USP8: variants seen among roughly 807,000 people sequenced by gnomAD.
The protein encoded by USP8 is ubiquitin carboxyl-terminal hydrolase 8.
A neutral mutation model predicts 130.0 loss-of-function variants in USP8; 27 were observed. That is an observed-to-expected ratio of 0.21 (90% confidence interval 0.15 to 0.29). The LOEUF is 0.29. Among genes scored for constraint, USP8 ranks in the 10% least tolerant of loss-of-function variants. USP8 has a pLI of 1.00. For synonymous variants in USP8, 392 were observed against 444.1 expected (o/e 0.88, Z 1.48); for missense variants, 1,029 against 1,312.2 (o/e 0.78, Z 3.33).
intron 4 of USP8, 45 bp from the exon 5 acceptor site, chr15:50,458,955 G>A (rs1268434095): frequency 3.1e-6 from 5 of 1,605,708 alleles, no homozygotes; most frequent in Middle Eastern, 2.3e-4. Context: ...TAATTTCCAC[G>A]ATTAACGCCA....
At chr15:50,425,395 A>C (rs182916161) in intron 1 of USP8, among the ~76,000 whole-genome samples, 1 of 152,356 alleles carries the variant, frequency 6.6e-6, no homozygotes, top group Admixed American at 6.5e-5. Context: ...TTCCTGTTTT[A>C]GGCTTGCTCT....
At chr15:50,460,284 C>T (rs1212650980) in intron 5 of USP8, among the ~76,000 whole-genome samples, 1 of 149,774 alleles carries the variant, frequency 6.7e-6, no homozygotes, top group African/African-American at 2.5e-5. Flanking sequence ...AGGCATGAGC[C>T]ACCACACCTG....
chr15:50,484,070 T>A (rs962671767), intron 11 of USP8, among the ~76,000 whole-genome samples: 2 of 152,132 alleles, frequency 1.3e-5, no homozygotes, highest in Non-Finnish European at 2.9e-5. Flanking sequence ...TTTTCATCTT[T>A]TTTTTTTCTT....
At chr15:50,434,677 T>C (rs2050043050) in intron 1 of USP8, among the ~76,000 whole-genome samples, 1 of 151,888 alleles carries the variant, frequency 6.6e-6, no homozygotes, top group African/African-American at 2.4e-5. Context: ...GTTGTAGTGC[T>C]GCAATCTCCA....
At chr15:50,446,547 G>T (rs1411163339) in intron 3 of USP8, among the ~76,000 whole-genome samples, 1 of 152,144 alleles carries the variant, frequency 6.6e-6, no homozygotes, top group East Asian at 1.9e-4. Context: ...TTAATGTAAT[G>T]ATTACATTGT....
intron 5 of USP8, 146 bp from the exon 6 acceptor site, chr15:50,462,131 CATT>C (rs904047068): frequency 3.5e-6 from 2 of 570,362 alleles, no homozygotes; most frequent in Non-Finnish European, 6.0e-6. Context: ...CTTTTAATAT[CATT>C]ATTATTCGTC....
chr15:50,450,275 C>T (rs2050583911), intron 4 of USP8, among the ~76,000 whole-genome samples: 1 of 151,980 alleles, frequency 6.6e-6, no homozygotes, highest in African/African-American at 2.4e-5. Context: ...TTGGTGGATT[C>T]TGCTCCTGGA....
At chr15:50,491,792 A>G (rs955656241) in intron 14 of USP8, among the ~76,000 whole-genome samples, 1 of 152,194 alleles carries the variant, frequency 6.6e-6, no homozygotes, top group Non-Finnish European at 1.5e-5. Context: ...AGATCTTTCC[A>G]TGGTGATAGA....
intron 17 of USP8, 134 bp downstream of exon 17, chr15:50,496,218 T>G (rs1029800798): frequency 1.5e-6 from 1 of 685,660 alleles, no homozygotes; most frequent in East Asian, 2.8e-5. Context: ...CAGTGGCTCA[T>G]ACCTTGTACT....
intron 14 of USP8, among the ~76,000 whole-genome samples, chr15:50,491,557 A>G (rs1235588146): frequency 6.6e-6 from 1 of 152,196 alleles, no homozygotes. Context: ...ACACGAGTAC[A>G]TGCACCTGAG....
chr15:50,453,286 C>A (rs1304504123), intron 4 of USP8, among the ~76,000 whole-genome samples: 1 of 152,330 alleles, frequency 6.6e-6, no homozygotes, highest in East Asian at 1.9e-4. Flanking sequence ...TCATCATTCA[C>A]TTTTGTTCCA....
intron 17 of USP8, 47 bp downstream of exon 17, chr15:50,496,131 T>A: frequency 7.1e-7 from 1 of 1,415,818 alleles, no homozygotes; most frequent in East Asian, 2.3e-5. Context: ...ATAAAAATGC[T>A]GTTTTTATGG....
chr15:50,445,130 G>T (rs1429156627), intron 3 of USP8, among the ~76,000 whole-genome samples: 2 of 152,084 alleles, frequency 1.3e-5, no homozygotes, highest in South Asian at 2.1e-4. Flanking sequence ...GCTATGTGAG[G>T]TGCTAAATTT....
chr15:50,443,265 TC>T (rs140436732), intron 3 of USP8, among the ~76,000 whole-genome samples: 21,294 of 151,984 alleles, frequency 0.14, 1,965 homozygotes, highest in Middle Eastern at 0.27. Context: ...GGTATCGAAC[TC>T]CTGACCTTGT....
intron 3 of USP8, among the ~76,000 whole-genome samples, chr15:50,445,734 G>A (rs1203606590): frequency 6.6e-6 from 1 of 150,616 alleles, no homozygotes; most frequent in Non-Finnish European, 1.5e-5. Flanking sequence ...GCAGGCGCCT[G>A]TAATCCCAGC....
At chr15:50,497,006 A>G in intron 17 of USP8, 83 bp from the exon 18 acceptor site, 4 of 1,503,064 alleles carry the variant, frequency 2.7e-6, no homozygotes, top group East Asian at 2.3e-5. Flanking sequence ...TGGTGCCTGC[A>G]GAGTGACTAA....
At chr15:50,454,747 G>A (rs545144798) in intron 4 of USP8, among the ~76,000 whole-genome samples, 2 of 151,946 alleles carry the variant, frequency 1.3e-5, no homozygotes, top group African/African-American at 2.4e-5. Flanking sequence ...GAGCCACCAC[G>A]CCCAGCCTGG....
chr15:50,424,680 G>T (rs551897722), intron 1 of USP8, 166 bp downstream of exon 1: 3 of 395,042 alleles, frequency 7.6e-6, no homozygotes, highest in East Asian at 3.6e-5. Context: ...GGAGAGGAAA[G>T]GCCCAACCTT....
Position 50,471,803 on chromosome 15 carries a change from AG to A in USP8, c.849+9del. On this transcript the variant is annotated intron_variant, in intron 8 of 19. Transcript: ENST00000307179. The stretch of plus-strand genomic sequence containing the variant: ...AAAGATGCACTTTTCAAGGTTTGCA[AG>A]TTTCATTGTTAGTTTATTGTAATTG... The A allele has an allele frequency of 6.2e-7, 1 of 1,613,324 alleles. No individual in the cohort carries two copies. The highest frequency in any genetic ancestry group is 1.1e-5 in the South Asian group (1 of 90,884).
Sources: allele counts gnomAD v4.1 joint callset (sites outside exome capture counted in the v4.1 genomes callset), GRCh38; gene constraint gnomAD v4.1.1; transcripts MANE v1.5; gene names NCBI Gene and HGNC (gene_info 2026-07-23, HGNC 2026-07-21).